GALNT13: variants seen among roughly 807,000 people sequenced by gnomAD.
GALNT13 encodes UDP-GalNAc:polypeptide N-acetylgalactosaminyltransferase 13.
A neutral mutation model predicts 64.2 loss-of-function variants in GALNT13; 28 were observed. The ratio of observed to expected loss-of-function variants is 0.44; its 90% CI spans 0.32 to 0.60. The LOEUF (loss-of-function observed/expected upper bound fraction) is 0.60. GALNT13 is among the 20% of genes least tolerant of loss of function. The probability of loss-of-function intolerance (pLI) is 0.05; values close to 1 mark genes in which losing one functional copy is unlikely to be tolerated. For synonymous variants in GALNT13, 214 were observed against 224.6 expected (o/e 0.95, Z 0.42); for missense variants, 577 against 669.8 (o/e 0.86, Z 1.53).
At chr2:153,400,709 G>T in the GALNT13 span, among the ~76,000 whole-genome samples, 1 of 152,282 alleles carries the variant, frequency 6.6e-6, no homozygotes, top group Non-Finnish European at 1.5e-5. Flanking sequence ...TAGTTTATTT[G>T]CGTAGAGGTA....
the GALNT13 span, among the ~76,000 whole-genome samples, chr2:153,720,145 C>T: frequency 6.9e-6 from 1 of 145,252 alleles, no homozygotes; most frequent in Non-Finnish European, 1.5e-5. Flanking sequence ...TCAAGTGGGT[C>T]CCTGACCCCT....
At chr2:153,980,690 T>C (rs755595081) in intron 3 of GALNT13, among the ~76,000 whole-genome samples, 28 of 152,260 alleles carry the variant, frequency 1.8e-4, no homozygotes, top group Non-Finnish European at 3.8e-4. Flanking sequence ...ACTTTAAAAA[T>C]TGAAAATTCT....
At chr2:153,627,163 CCAACA>C in the GALNT13 span, among the ~76,000 whole-genome samples, 1 of 152,014 alleles carries the variant, frequency 6.6e-6, no homozygotes, top group Non-Finnish European at 1.5e-5. Flanking sequence ...ATCATAAAAG[CCAACA>C]CATTGAGGAC....
intron 4 of GALNT13, among the ~76,000 whole-genome samples, chr2:154,215,289 T>C (rs1687982912): frequency 6.6e-6 from 1 of 152,210 alleles, no homozygotes. Flanking sequence ...CTTCTATATG[T>C]TGACCTTCCA....
chr2:153,525,658 C>A, the GALNT13 span, among the ~76,000 whole-genome samples: 18 of 152,136 alleles, frequency 1.2e-4, no homozygotes, highest in Non-Finnish European at 2.5e-4. Context: ...CCCACCCCCA[C>A]CAGTATGTGA....
the GALNT13 span, among the ~76,000 whole-genome samples, chr2:153,349,774 C>T: frequency 2.6e-5 from 4 of 151,980 alleles, no homozygotes; most frequent in Admixed American, 2.0e-4. Flanking sequence ...GGATGCAGGG[C>T]GTTTCTCTTT....
chr2:154,399,109 G>A (rs1420591890), intron 10 of GALNT13, among the ~76,000 whole-genome samples: 1 of 152,146 alleles, frequency 6.6e-6, no homozygotes, highest in African/African-American at 2.4e-5. Flanking sequence ...CATTCAAAAT[G>A]TTTTTATTAA....
intron 10 of GALNT13, among the ~76,000 whole-genome samples, chr2:154,396,801 C>T (rs980713406): frequency 2.6e-5 from 4 of 151,846 alleles, no homozygotes; most frequent in African/African-American, 7.3e-5. Context: ...GTGGTATTGA[C>T]GTTGTAGACA....
At chr2:153,593,045 C>T in the GALNT13 span, 4 of 152,370 alleles carry the variant, frequency 2.6e-5, no homozygotes, top group Admixed American at 2.6e-4. Flanking sequence ...TCTAGGTGAA[C>T]TTTGTAACAA....
the GALNT13 span, among the ~76,000 whole-genome samples, chr2:153,359,801 A>C: frequency 2.0e-5 from 3 of 152,282 alleles, no homozygotes; most frequent in African/African-American, 7.2e-5. Context: ...AAAGATGCTA[A>C]TGGAAAAATG....
chr2:153,475,592 GTTCTATACAA>G, the GALNT13 span, among the ~76,000 whole-genome samples: 2 of 152,164 alleles, frequency 1.3e-5, no homozygotes, highest in South Asian at 4.1e-4. Flanking sequence ...GAAAACCTGT[GTTCTATACAA>G]TTTAAAATTG....
At chr2:154,208,497 C>G (rs1223528121) in intron 4 of GALNT13, among the ~76,000 whole-genome samples, 1 of 151,996 alleles carries the variant, frequency 6.6e-6, no homozygotes, top group Admixed American at 6.6e-5. Context: ...TCATAATGAT[C>G]TGGAGCTCAG....
chr2:153,196,983 T>C, the GALNT13 span, among the ~76,000 whole-genome samples: 1 of 152,200 alleles, frequency 6.6e-6, no homozygotes, highest in African/African-American at 2.4e-5. Context: ...TCTCAGGCTT[T>C]CAGTTGGCTC....
At chr2:153,967,633 G>T (rs1003755407) in intron 3 of GALNT13, among the ~76,000 whole-genome samples, 1 of 152,074 alleles carries the variant, frequency 6.6e-6, no homozygotes, top group African/African-American at 2.4e-5. Flanking sequence ...TTGAGGGAGG[G>T]GTGATGTGGG....
chr2:154,153,950 C>CA (rs1684238228), intron 4 of GALNT13, among the ~76,000 whole-genome samples: 1 of 152,192 alleles, frequency 6.6e-6, no homozygotes, highest in Non-Finnish European at 1.5e-5. Context: ...GTCCTGCGTC[C>CA]ATTGTCTGGC....
At chr2:153,876,093 G>A (rs1427367318) in intron 1 of GALNT13, among the ~76,000 whole-genome samples, 1 of 151,836 alleles carries the variant, frequency 6.6e-6, no homozygotes, top group African/African-American at 2.4e-5. Context: ...CTCTGCTCTT[G>A]TCATCAAAAT....
At chr2:153,409,257 T>A in the GALNT13 span, among the ~76,000 whole-genome samples, 3 of 150,938 alleles carry the variant, frequency 2.0e-5, no homozygotes, top group African/African-American at 7.3e-5. Flanking sequence ...TCAATTCTCC[T>A]TAATAAACTC....
chr2:153,209,080 C>T, the GALNT13 span, among the ~76,000 whole-genome samples: 1 of 148,110 alleles, frequency 6.8e-6, no homozygotes, highest in African/African-American at 2.5e-5. Context: ...CCGGTTCACG[C>T]CATTCTCCTG....
the GALNT13 span, among the ~76,000 whole-genome samples, chr2:153,576,524 C>G: frequency 6.6e-6 from 1 of 152,140 alleles, no homozygotes; most frequent in Admixed American, 6.5e-5. Flanking sequence ...TTTCCTTTTT[C>G]CTCTATTAGG....
Sources: gnomAD v4.1 joint callset for allele counts (sites outside exome capture counted in the v4.1 genomes callset) on GRCh38, gnomAD v4.1.1 for gene constraint, MANE v1.5 for transcripts, NCBI Gene and HGNC (gene_info 2026-07-23, HGNC 2026-07-21) for gene names.